Variants in ST6GALNAC5 observed in about 807,000 individuals in gnomAD.
ST6GALNAC5 encodes the protein alpha-N-acetylgalactosaminide alpha-2,6-sialyltransferase 5.
ST6GALNAC5 carries 27 observed loss-of-function variants against 33.6 expected under a neutral mutation model. The ratio of observed to expected loss-of-function variants is 0.80; its 90% CI spans 0.59 to 1.11. The LOEUF (loss-of-function observed/expected upper bound fraction) is 1.11. Ranked by LOEUF, ST6GALNAC5 falls within the 50% of genes least tolerant of loss-of-function variation. ST6GALNAC5 has a pLI of 0.00. For synonymous variants in ST6GALNAC5, 194 were observed against 171.2 expected (o/e 1.13, Z -1.04); for missense variants, 428 against 454.0 (o/e 0.94, Z 0.52).
intron 2 of ST6GALNAC5, among the ~76,000 whole-genome samples, chr1:77,041,385 G>A (rs199700): frequency 1.3e-4 from 20 of 152,240 alleles, no homozygotes; most frequent in South Asian, 6.2e-4. Context: ...TAAGGTTGGC[G>A]CAAAAGTAAT....
rs752166312 is a variant in ST6GALNAC5, at chr1:76,867,667, G to T, written c.-9G>T. 11 of 1,614,100 alleles carry T rather than the reference G, an allele frequency of 6.8e-6. No individual in the cohort carries two copies. The South Asian group carries it at 1.1e-4, about 16-fold the overall frequency. ...AGCCTGAGGATTCTGCACAAAAGAG[G>T]TGCCCAAAATGAAGACCCTGATGGT... On this transcript the variant is annotated 5_prime_UTR_variant, in exon 1 of 5. Transcript: ENST00000477717.
intron 2 of ST6GALNAC5, among the ~76,000 whole-genome samples, chr1:76,956,276 A>AG (rs1647973145): frequency 1.3e-5 from 2 of 151,178 alleles, no homozygotes; most frequent in Admixed American, 1.3e-4. Flanking sequence ...CCCAAGATCC[A>AG]GAAAAAAAAA....
chr1:76,992,139 A>G (rs2100397157), intron 2 of ST6GALNAC5, among the ~76,000 whole-genome samples: 1 of 152,230 alleles, frequency 6.6e-6, no homozygotes, highest in Middle Eastern at 3.4e-3. Context: ...TTATAAATTC[A>G]TGGTTAAGGC....
chr1:76,908,822 C>A (rs1310514306), intron 2 of ST6GALNAC5, among the ~76,000 whole-genome samples: 2 of 152,134 alleles, frequency 1.3e-5, no homozygotes, highest in Non-Finnish European at 2.9e-5. Context: ...ACTTAATGAT[C>A]ATTTGTTAAT....
At chr1:76,882,743 A>T (rs1459899533) in intron 2 of ST6GALNAC5, among the ~76,000 whole-genome samples, 2 of 152,176 alleles carry the variant, frequency 1.3e-5, no homozygotes, top group Admixed American at 6.5e-5. Flanking sequence ...ACATGATTGC[A>T]TTTCCAACTT....
intron 2 of ST6GALNAC5, among the ~76,000 whole-genome samples, chr1:76,956,763 A>G (rs951586236): frequency 6.6e-6 from 1 of 152,144 alleles, no homozygotes; most frequent in East Asian, 1.9e-4. Context: ...ATCTCCTCCA[A>G]AAATCTGGTA....
intron 2 of ST6GALNAC5, among the ~76,000 whole-genome samples, chr1:76,932,482 T>G (rs1021312792): frequency 2.0e-5 from 3 of 152,078 alleles, no homozygotes; most frequent in African/African-American, 7.2e-5. Context: ...TAGGTAAGTA[T>G]GTAAGTAGGT....
At chr1:76,960,122 A>G (rs1304408445) in intron 2 of ST6GALNAC5, among the ~76,000 whole-genome samples, 1 of 152,126 alleles carries the variant, frequency 6.6e-6, no homozygotes, top group Admixed American at 6.5e-5. Flanking sequence ...ATTCAGCCAG[A>G]TATCGGGTGA....
chr1:76,939,790 T>C (rs1207794844), intron 2 of ST6GALNAC5, among the ~76,000 whole-genome samples: 3 of 152,102 alleles, frequency 2.0e-5, no homozygotes, highest in Admixed American at 2.0e-4. Flanking sequence ...AGAGACAGAA[T>C]ACAGCAAGAC....
At chr1:76,990,810 G>GA (rs1649693507) in intron 2 of ST6GALNAC5, among the ~76,000 whole-genome samples, 1 of 152,174 alleles carries the variant, frequency 6.6e-6, no homozygotes, top group African/African-American at 2.4e-5. Context: ...ATGCTAATAT[G>GA]AACCCTCATT....
chr1:76,907,026 C>G (rs572492554), intron 2 of ST6GALNAC5, among the ~76,000 whole-genome samples: 2 of 152,158 alleles, frequency 1.3e-5, no homozygotes, highest in South Asian at 4.2e-4. Flanking sequence ...TGGTAAATTT[C>G]CTAAATCCAC....
intron 2 of ST6GALNAC5, among the ~76,000 whole-genome samples, chr1:76,990,541 T>C (rs1462802281): frequency 1.3e-5 from 2 of 152,134 alleles, no homozygotes; most frequent in Non-Finnish European, 2.9e-5. Context: ...GGAATCATCT[T>C]GGTGCTGGCT....
chr1:76,957,482 A>C (rs1570707154), intron 2 of ST6GALNAC5, among the ~76,000 whole-genome samples: 2 of 152,192 alleles, frequency 1.3e-5, no homozygotes, highest in African/African-American at 4.8e-5. Flanking sequence ...ATAATGTTAC[A>C]TTCTGCAGTT....
At chr1:76,970,640 A>T (rs911189472) in intron 2 of ST6GALNAC5, among the ~76,000 whole-genome samples, 2 of 152,196 alleles carry the variant, frequency 1.3e-5, no homozygotes, top group African/African-American at 4.8e-5. Context: ...TCTTCAGGAT[A>T]TTATCCAGGA....
chr1:77,067,209 G>A lies in ST6GALNAC5; in HGVS notation c.*4003G>A, dbSNP rs1652808998. Among the ~76,000 whole-genome samples the A allele has an allele frequency of 6.6e-6, 1 of 152,134 alleles. No individual in the cohort carries two copies. The highest frequency in any genetic ancestry group is 6.5e-5 in the Admixed American group (1 of 15,268). The stretch of plus-strand genomic sequence containing the variant: ...GCCTAGGTGTTAGCACATGCCAGAA[G>A]GTACTTTGGAATGGAAAGAGGTGAG... On this transcript the variant is annotated 3_prime_UTR_variant, in exon 5 of 5. Coordinates refer to ENST00000477717, the MANE Select transcript of ST6GALNAC5 (RefSeq NM_030965.3).
Position 76,981,149 on chromosome 1 carries a change from G to T in ST6GALNAC5, c.262-63055G>T, listed in dbSNP as rs533824412. 4.6e-5 allele frequency among the ~76,000 whole-genome samples: 7 copies of T among 152,308 alleles called. No homozygotes were observed. In the South Asian group the frequency reaches 1.4e-3, roughly 32 times the overall value. ...TCTCACTAGGACTGCTTGGACAGAGGGTGCAGCCCAGAGAGGGCGAGCTGA... is the reference window on the plus strand; with the variant it reads ...TCTCACTAGGACTGCTTGGACAGAGTGTGCAGCCCAGAGAGGGCGAGCTGA... On this transcript the variant is annotated intron_variant, in intron 2 of 4. Coordinates refer to ENST00000477717, the MANE Select transcript of ST6GALNAC5 (RefSeq NM_030965.3).
intron 2 of ST6GALNAC5, among the ~76,000 whole-genome samples, chr1:77,034,666 A>G (rs2100451999): frequency 6.6e-6 from 1 of 152,310 alleles, no homozygotes; most frequent in South Asian, 2.1e-4. Flanking sequence ...AATGCTGTAT[A>G]GCGATTCCCA....
Position 77,065,628 on chromosome 1 carries a change from T to C in ST6GALNAC5, c.*2422T>C, listed in dbSNP as rs751326960. The C allele has an allele frequency of 6.6e-6, 1 of 152,208 alleles. No homozygotes were observed. Among genetic ancestry groups the C allele is most frequent in the Non-Finnish European group, 1.5e-5 (1 of 68,030 alleles). The allele number at this position is 152,208 out of a possible 1,614,324, so 9.4% of individuals were successfully genotyped here. A position where few individuals can be genotyped will look rare whatever the true frequency, so the allele number is the denominator to read the frequency against. ...TGCTGATGAACCTGGTTGTGGGCAA[T>C]TGAATTCTTGTCTTCCCACTACCAT... On this transcript the variant is annotated 3_prime_UTR_variant, in exon 5 of 5. Transcript: ENST00000477717.
In ST6GALNAC5 at chr1:77,007,005, A is replaced by G. The variant is rs553377823; in HGVS notation, c.262-37199A>G. On this transcript the variant is annotated intron_variant, in intron 2 of 4. Transcript: ENST00000477717. The stretch of plus-strand genomic sequence containing the variant: ...CTCCCAGGGTGGCAGGGTCCCAAGA[A>G]CAGCAAGAGAGCAAGCTCCAGTGCA... Among the ~76,000 whole-genome samples, 5 of 152,326 alleles carry G rather than the reference A, an allele frequency of 3.3e-5. No individual in the cohort carries two copies. The South Asian group carries it at 1.0e-3, about 32-fold the overall frequency.
Sources: allele counts gnomAD v4.1 joint callset (sites outside exome capture counted in the v4.1 genomes callset), GRCh38; gene constraint gnomAD v4.1.1; transcripts MANE v1.5; gene names NCBI Gene and HGNC (gene_info 2026-07-23, HGNC 2026-07-21).